Variants in ATOSA observed in about 807,000 individuals in gnomAD.
ATOSA encodes atos homolog protein A.
the ATOSA span, among the ~76,000 whole-genome samples, chr15:52,690,679 T>C: frequency 7.2e-3 from 1,101 of 152,272 alleles, 7 homozygotes; most frequent in Non-Finnish European, 0.012. Flanking sequence ...AAGAAGAGAA[T>C]AAAATGATGA....
chr15:52,585,937 T>G, the ATOSA span: 1 of 152,172 alleles, frequency 6.6e-6, no homozygotes, highest in Non-Finnish European at 1.5e-5. Context: ...GCTAATACAT[T>G]CAACAACCAC....
the ATOSA span, among the ~76,000 whole-genome samples, chr15:52,681,177 T>C: frequency 6.6e-6 from 1 of 152,256 alleles, no homozygotes; most frequent in Non-Finnish European, 1.5e-5. Flanking sequence ...CTGAAGTTTT[T>C]TTAAATTTAG....
the ATOSA span, among the ~76,000 whole-genome samples, chr15:52,634,540 AT>A: frequency 2.0e-3 from 301 of 147,572 alleles, 1 homozygote; most frequent in African/African-American, 6.4e-3. Flanking sequence ...GTGAGATTAG[AT>A]TTTTTTTTTT....
chr15:52,595,062 G>C, the ATOSA span, among the ~76,000 whole-genome samples: 1 of 152,094 alleles, frequency 6.6e-6, no homozygotes, highest in Non-Finnish European at 1.5e-5. Context: ...AGTTCCCTTT[G>C]TCTAGAATCT....
At chr15:52,597,553 A>T in the ATOSA span, among the ~76,000 whole-genome samples, 1 of 152,234 alleles carries the variant, frequency 6.6e-6, no homozygotes, top group East Asian at 1.9e-4. Context: ...CTACATTTAT[A>T]TAAAATTATA....
the ATOSA span, among the ~76,000 whole-genome samples, chr15:52,627,073 C>T: frequency 1.3e-5 from 2 of 152,168 alleles, no homozygotes; most frequent in African/African-American, 2.4e-5. Flanking sequence ...CTATTTTTGT[C>T]AATGAGACAT....
chr15:52,677,068 A>G, the ATOSA span, among the ~76,000 whole-genome samples: 1 of 152,202 alleles, frequency 6.6e-6, no homozygotes, highest in African/African-American at 2.4e-5. Context: ...CAATAGACCT[A>G]TTTTACCCAG....
the ATOSA span, among the ~76,000 whole-genome samples, chr15:52,668,588 A>G: frequency 6.6e-6 from 1 of 152,222 alleles, no homozygotes; most frequent in Admixed American, 6.5e-5. Flanking sequence ...TCATAAGTGC[A>G]TGAGGTGAAA....
At chr15:52,648,438 T>C in the ATOSA span, among the ~76,000 whole-genome samples, 1 of 152,152 alleles carries the variant, frequency 6.6e-6, no homozygotes, top group East Asian at 1.9e-4. Flanking sequence ...GGAATATCCA[T>C]CACCACAAAC....
the ATOSA span, among the ~76,000 whole-genome samples, chr15:52,620,978 T>G: frequency 1.3e-5 from 2 of 152,192 alleles, no homozygotes; most frequent in Non-Finnish European, 2.9e-5. Context: ...TTTTACTTCA[T>G]GATGCGCAAT....
At chr15:52,637,192 T>A in the ATOSA span, among the ~76,000 whole-genome samples, 1 of 152,186 alleles carries the variant, frequency 6.6e-6, no homozygotes, top group East Asian at 1.9e-4. Context: ...TTAATTGTTA[T>A]GATGATTAGA....
the ATOSA span, among the ~76,000 whole-genome samples, chr15:52,627,603 A>G: frequency 1.3e-5 from 2 of 152,162 alleles, no homozygotes; most frequent in South Asian, 4.1e-4. Flanking sequence ...AAGACAGGAA[A>G]ACTCAGATTA....
At chr15:52,702,779 C>CAAAAAAA in the ATOSA span, among the ~76,000 whole-genome samples, 3 of 91,910 alleles carry the variant, frequency 3.3e-5, no homozygotes, top group African/African-American at 4.1e-5. Flanking sequence ...AAAGTGTTTC[C>CAAAAAAA]AAAAAAAAAA....
chr15:52,584,771 C>T, the ATOSA span: 283 of 1,613,462 alleles, frequency 1.8e-4, 1 homozygote, highest in Non-Finnish European at 2.3e-4. Context: ...AGCGTAATAA[C>T]CGTTCTTCTG....
At chr15:52,673,212 T>C in the ATOSA span, among the ~76,000 whole-genome samples, 1 of 152,238 alleles carries the variant, frequency 6.6e-6, no homozygotes, top group Non-Finnish European at 1.5e-5. Context: ...TACTATTACT[T>C]TCCCTATTGT....
the ATOSA span, among the ~76,000 whole-genome samples, chr15:52,583,460 T>G: frequency 6.6e-6 from 1 of 152,152 alleles, no homozygotes. Context: ...TGGAGTGCAG[T>G]GGTACAATCT....
the ATOSA span, among the ~76,000 whole-genome samples, chr15:52,653,322 A>T: frequency 1.3e-5 from 2 of 152,214 alleles, no homozygotes; most frequent in Admixed American, 6.6e-5. Context: ...CCCAGAATCC[A>T]CAAGATTTCT....
chr15:52,652,817 G>T, the ATOSA span, among the ~76,000 whole-genome samples: 1 of 152,144 alleles, frequency 6.6e-6, no homozygotes, highest in Non-Finnish European at 1.5e-5. Flanking sequence ...CAGAGATATA[G>T]AAGTATAGAC....
the ATOSA span, chr15:52,593,520 A>T: frequency 3.4e-6 from 5 of 1,472,166 alleles, no homozygotes; most frequent in Non-Finnish European, 3.7e-6. Context: ...AAAGCACTTA[A>T]ATTTGTCATT....
Sources: gnomAD v4.1 joint callset for allele counts (sites outside exome capture counted in the v4.1 genomes callset) on GRCh38, gnomAD v4.1.1 for gene constraint, MANE v1.5 for transcripts, NCBI Gene and HGNC (gene_info 2026-07-23, HGNC 2026-07-21) for gene names.